The following PCBD2 variants were observed in gnomAD, a reference collection of about 807,000 sequenced individuals.
PCBD2 encodes the protein pterin-4 alpha-carbinolamine dehydratase 2.
PCBD2 carries 12 observed loss-of-function variants against 16.4 expected under a neutral mutation model. The observed-to-expected ratio is 0.73, with a 90% CI of 0.47 to 1.19. The LOEUF is 1.19. Ranked by LOEUF, PCBD2 falls within the 50% of genes most tolerant of loss-of-function variation. The probability of loss-of-function intolerance (pLI) is 0.00; values close to 1 mark genes in which losing one functional copy is unlikely to be tolerated. For synonymous variants in PCBD2, 58 were observed against 61.8 expected (o/e 0.94, Z 0.29); for missense variants, 138 against 156.8 (o/e 0.88, Z 0.64).
At position 134,923,608 on chromosome 5, in the gene PCBD2, T is replaced by C. The variant is rs1167049056; in HGVS notation, c.216+13142T>C. 22 of 356,380 alleles carry C rather than the reference T, an allele frequency of 6.2e-5. No homozygotes were observed. In the East Asian group the frequency reaches 9.0e-4, roughly 15 times the overall value. The allele number at this position is 356,380 out of a possible 1,614,324, so 22.1% of individuals were successfully genotyped here. On this transcript the variant is annotated intron_variant, in intron 2 of 3. Coordinates refer to ENST00000254908, the MANE Select transcript of PCBD2 (RefSeq NM_032151.5). ...ATGTATGGGACGGCGGATAGCAGGTTTGTAATTACTGTGGCCCCTCAGAAG... is the reference window on the plus strand; with the variant it reads ...ATGTATGGGACGGCGGATAGCAGGTCTGTAATTACTGTGGCCCCTCAGAAG...
At chr5:134,924,192 TCTC>T in intron 2 of PCBD2, 1 of 396,762 alleles carries the variant, frequency 2.5e-6, no homozygotes, top group Non-Finnish European at 4.5e-6. Context: ...TTCTAAGCCT[TCTC>T]CTATTTATGG....
At chr5:134,927,038 G>C (rs550353863) in intron 2 of PCBD2, 1 of 398,412 alleles carries the variant, frequency 2.5e-6, no homozygotes, top group Non-Finnish European at 4.4e-6. Context: ...TACGTTCGTA[G>C]TTTGAGTTTG....
chr5:134,953,664 G>A (rs1751384097), intron 2 of PCBD2, among the ~76,000 whole-genome samples: 1 of 151,980 alleles, frequency 6.6e-6, no homozygotes, highest in South Asian at 2.1e-4. Context: ...AGCCGGGTGT[G>A]GTGGCACGTG....
rs185270220 is a variant in PCBD2, at chr5:134,962,278, G to A, written c.*1597G>A. 0.011 allele frequency among the ~76,000 whole-genome samples: 1,723 copies of A among 152,066 alleles called. 17 individuals carry two copies. Among genetic ancestry groups the A allele is most frequent in the Non-Finnish European group, 0.017 (1,137 of 67,998 alleles). Reference sequence around the variant, plus strand: ...GGCTTATTTTTAAAACTTTTTTGTGGAGACAGGGTCTTACTATGTTGCCAT... The same window carrying A: ...GGCTTATTTTTAAAACTTTTTTGTGAAGACAGGGTCTTACTATGTTGCCAT... On this transcript the variant is annotated 3_prime_UTR_variant, in exon 4 of 4. Coordinates refer to ENST00000254908, the MANE Select transcript of PCBD2 (RefSeq NM_032151.5).
intron 2 of PCBD2, chr5:134,928,630 T>C (rs1751051761): frequency 5.6e-6 from 1 of 180,050 alleles, no homozygotes; most frequent in Non-Finnish European, 1.1e-5. Flanking sequence ...ATCAGGAGAT[T>C]GAGACCATCC....
intron 1 of PCBD2, among the ~76,000 whole-genome samples, chr5:134,906,594 A>T (rs1019576267): frequency 5.3e-5 from 8 of 152,024 alleles, no homozygotes; most frequent in Non-Finnish European, 8.8e-5. Context: ...CTTCAGGCGT[A>T]CTCTGCCCCA....
chr5:134,907,253 C>T (rs1004483377), intron 1 of PCBD2, among the ~76,000 whole-genome samples: 2 of 151,816 alleles, frequency 1.3e-5, no homozygotes, highest in Non-Finnish European at 2.9e-5. Context: ...AGAATTCTTT[C>T]TTTTTTTTTG....
intron 2 of PCBD2, among the ~76,000 whole-genome samples, 166 bp from the exon 3 acceptor site, chr5:134,958,874 A>G (rs979783150): frequency 6.6e-6 from 1 of 152,208 alleles, no homozygotes; most frequent in African/African-American, 2.4e-5. Context: ...GTCCTGCTGC[A>G]CTGTGACCCC....
intron 1 of PCBD2, among the ~76,000 whole-genome samples, chr5:134,906,481 G>C (rs367833974): frequency 6.6e-5 from 10 of 152,246 alleles, no homozygotes; most frequent in African/African-American, 2.4e-4. Flanking sequence ...TGTAATAGAA[G>C]AAATTTAAAA....
At chr5:134,930,367 T>C (rs1266785658) in intron 2 of PCBD2, among the ~76,000 whole-genome samples, 1 of 152,136 alleles carries the variant, frequency 6.6e-6, no homozygotes, top group East Asian at 1.9e-4. Context: ...GGGAACATAG[T>C]GTTTCATCTT....
intron 1 of PCBD2, 58 bp from the exon 2 acceptor site, chr5:134,910,277 A>G (rs888970225): frequency 3.8e-6 from 6 of 1,562,700 alleles, no homozygotes; most frequent in African/African-American, 2.7e-5. Context: ...AAGGAGCCAT[A>G]AGTTTGAGTT....
rs1487540124 is a variant in PCBD2, at chr5:134,961,746, TA to T, written c.*1068del. ...CTCGACAGATAGTGAGTTTTAACTT[TA>T]AATAACAATTCTTCTTTTGTTTTGT... is the stretch of plus-strand genomic sequence containing the variant. On this transcript the variant is annotated 3_prime_UTR_variant, in exon 4 of 4. Coordinates refer to ENST00000254908, the MANE Select transcript of PCBD2 (RefSeq NM_032151.5). 6.6e-6 allele frequency among the ~76,000 whole-genome samples: 1 copy of T among 152,018 alleles called. No homozygotes were observed. Among genetic ancestry groups the T allele is most frequent in the Admixed American group, 6.6e-5 (1 of 15,264 alleles).
chr5:134,936,057 A>C (rs935967269), intron 2 of PCBD2, among the ~76,000 whole-genome samples: 2 of 152,260 alleles, frequency 1.3e-5, no homozygotes, highest in Non-Finnish European at 2.9e-5. Context: ...TGAGGCTAAA[A>C]TTATAATTTA....
intron 2 of PCBD2, among the ~76,000 whole-genome samples, chr5:134,954,684 G>C (rs1751395067): frequency 6.6e-6 from 1 of 151,556 alleles, no homozygotes; most frequent in African/African-American, 2.4e-5. Context: ...GTTTTTGTAG[G>C]TATTGCCCCT....
Position 134,960,687 on chromosome 5 carries a change from T to C in PCBD2, c.*6T>C. 6.3e-7 allele frequency: 1 copy of C among 1,594,558 alleles called. No homozygotes were observed. Among genetic ancestry groups the C allele is most frequent in the Middle Eastern group, 1.7e-4 (1 of 5,922 alleles). On this transcript the variant is annotated 3_prime_UTR_variant, in exon 4 of 4. Transcript: ENST00000254908. ...AAGCAGCTGCTTCTGTGTGATTTCT[T>C]CCAAAATACATGTAAAATCTTGTAC... is the stretch of plus-strand genomic sequence containing the variant.
At chr5:134,955,515 C>T (rs1394473400) in intron 2 of PCBD2, among the ~76,000 whole-genome samples, 1 of 151,748 alleles carries the variant, frequency 6.6e-6, no homozygotes, top group Non-Finnish European at 1.5e-5. Context: ...ACCATGTTGG[C>T]CAGGATGGTC....
chr5:134,927,185 C>A, intron 2 of PCBD2: 1 of 398,342 alleles, frequency 2.5e-6, no homozygotes, highest in Non-Finnish European at 4.4e-6. Context: ...ATGCAATGAG[C>A]GATTTTAGGT....
chr5:134,946,609 T>G (rs1371134914), intron 2 of PCBD2, among the ~76,000 whole-genome samples: 3 of 152,232 alleles, frequency 2.0e-5, no homozygotes, highest in African/African-American at 7.2e-5. Flanking sequence ...ATTGATGGTG[T>G]GCAACTGCTT....
rs138092504 is a variant in PCBD2 at position 134,930,454 on chromosome 5, T to G, written c.216+19988T>G. Among the ~76,000 whole-genome samples, 208 of 152,340 alleles carry G rather than the reference T, an allele frequency of 1.4e-3. 1 individual carries two copies. The highest frequency in any genetic ancestry group is 4.6e-3 in the African/African-American group (190 of 41,578). The stretch of plus-strand genomic sequence containing the variant: ...TCCCTCATCTCCTTACTCCTAGATA[T>G]CGATGATTCCTAATGGTGACCAGCT... On this transcript the variant is annotated intron_variant, in intron 2 of 3. Transcript: ENST00000254908.
Sources: gnomAD v4.1 joint callset for allele counts (sites outside exome capture counted in the v4.1 genomes callset) on GRCh38, gnomAD v4.1.1 for gene constraint, MANE v1.5 for transcripts, NCBI Gene and HGNC (gene_info 2026-07-23, HGNC 2026-07-21) for gene names.